RNF135: variants seen among roughly 807,000 people sequenced by gnomAD.
RNF135 encodes the protein ring finger protein 135, also known as E3 ubiquitin-protein ligase RNF135.
A neutral mutation model predicts 41.9 loss-of-function variants in RNF135; 46 were observed. The observed-to-expected ratio is 1.10, with a 90% CI of 0.87 to 1.40. The LOEUF (loss-of-function observed/expected upper bound fraction) is 1.40, where lower values mean the gene tolerates loss of function less well. RNF135 is among the 40% of genes most tolerant of loss of function. The pLI, the probability that RNF135 is intolerant of heterozygous loss-of-function variation, is 0.00. For missense variants in RNF135, 539 were observed against 549.8 expected (o/e 0.98, Z 0.20); for synonymous variants, 238 against 223.8 (o/e 1.06, Z -0.57).
At chr17:30,982,469 A>G (rs914776046) in intron 1 of RNF135, among the ~76,000 whole-genome samples, 1 of 152,176 alleles carries the variant, frequency 6.6e-6, no homozygotes, top group Non-Finnish European at 1.5e-5. Context: ...TTCTCTGTGC[A>G]TGTGGCCCCT....
At chr17:30,967,431 G>T (rs1250375329), upstream of RNF135, among the ~76,000 whole-genome samples, 2 of 152,030 alleles carry the variant, frequency 1.3e-5, no homozygotes, top group Admixed American at 6.6e-5. Flanking sequence ...TTATATAAAA[G>T]TTATAAATTG....
the RNF135 span, among the ~76,000 whole-genome samples, chr17:30,963,251 G>A: frequency 6.6e-6 from 1 of 151,772 alleles, no homozygotes; most frequent in African/African-American, 2.4e-5. Context: ...TGGAACTACA[G>A]GCATGTGACA....
intron 2 of RNF135, 76 bp downstream of exon 2, chr17:30,984,836 C>T: frequency 6.9e-7 from 1 of 1,446,862 alleles, no homozygotes; most frequent in Non-Finnish European, 9.7e-7. Context: ...ACAACATGAA[C>T]ATATTTGAAC....
chr17:30,994,643 T>TA (rs1301631742), intron 3 of RNF135, among the ~76,000 whole-genome samples: 4 of 151,974 alleles, frequency 2.6e-5, no homozygotes, highest in African/African-American at 9.7e-5. Flanking sequence ...TATTTTATTT[T>TA]TTTTTTTGAG....
the RNF135 span, among the ~76,000 whole-genome samples, chr17:30,964,058 G>A: frequency 9.2e-5 from 14 of 152,204 alleles, no homozygotes; most frequent in South Asian, 2.1e-4. Flanking sequence ...GATCTCTTCC[G>A]TCCCTTGACA....
rs574409168 is a variant in RNF135 at position 30,984,836 on chromosome 17, C to A, written c.516+76C>A. ...TTGCTTTCAACTGGAACAACATGAA[C>A]ATATTTGAACCTGAAGGATACAATA... On this transcript the variant is annotated intron_variant, in intron 2 of 4. Transcript: ENST00000328381. The A allele has an allele frequency of 3.5e-6, 5 of 1,446,864 alleles. No individual in the cohort carries two copies. In the African/African-American group the frequency reaches 5.6e-5, roughly 16 times the overall value. The allele number at this position is 1,446,864 out of a possible 1,614,324, so 89.6% of individuals were successfully genotyped here. A position where few individuals can be genotyped will look rare whatever the true frequency, so the allele number is the denominator to read the frequency against.
At chr17:30,995,387 CAAAA>C (rs796205868) in intron 3 of RNF135, among the ~76,000 whole-genome samples, 2 of 130,986 alleles carry the variant, frequency 1.5e-5, no homozygotes, top group African/African-American at 5.6e-5. Context: ...GACTCAGTCT[CAAAA>C]AAAAAAAAAG....
chr17:30,971,003 G>A (rs965061696), upstream of RNF135: 14 of 1,527,832 alleles, frequency 9.2e-6, no homozygotes, highest in Admixed American at 5.9e-5. Flanking sequence ...GGAAGAGGAA[G>A]GGCGAGGGAG....
intron 4 of RNF135, among the ~76,000 whole-genome samples, chr17:30,997,858 G>A (rs1356746415): frequency 6.6e-6 from 1 of 152,190 alleles, no homozygotes; most frequent in African/African-American, 2.4e-5. Flanking sequence ...TTGCCATGAG[G>A]GTTAAGTGAG....
chr17:30,966,962 G>A (rs73267752), upstream of RNF135, among the ~76,000 whole-genome samples: 4,287 of 151,924 alleles, frequency 0.028, 206 homozygotes, highest in African/African-American at 0.097. Flanking sequence ...AAGATTTCTC[G>A]GCACACATAA....
chr17:30,979,775 C>A (rs1906883431), intron 1 of RNF135, among the ~76,000 whole-genome samples: 8 of 130,340 alleles, frequency 6.1e-5, no homozygotes, highest in Admixed American at 4.3e-4. Context: ...CCCCCCTCCC[C>A]CCTCCCGGAC....
upstream of RNF135, chr17:30,970,837 T>C: frequency 1.7e-6 from 1 of 590,610 alleles, no homozygotes; most frequent in Non-Finnish European, 2.9e-6. Context: ...GGCATGTTGG[T>C]TTCCCAGGGC....
rs375139965 is a variant in RNF135 at position 30,983,766 on chromosome 17, GT to G, written c.373-838del. ...CACACCATCAACATTTGTTATTTTG[GT>G]TTTTTTTTTTTTGATAGTAGCCAAC... is the stretch of plus-strand genomic sequence containing the variant. On this transcript the variant is annotated intron_variant, in intron 1 of 4. Transcript: ENST00000328381. 3.2e-3 allele frequency among the ~76,000 whole-genome samples: 452 copies of G among 142,296 alleles called. 1 individual carries two copies. Among genetic ancestry groups the G allele is most frequent in the African/African-American group, 8.0e-3 (312 of 39,138 alleles). 93.4% of individuals were successfully genotyped at this position (142,296 alleles called of 152,430 possible).
At chr17:30,970,925 G>A, upstream of RNF135, 2 of 1,120,872 alleles carry the variant, frequency 1.8e-6, no homozygotes, top group African/African-American at 1.6e-5. Flanking sequence ...AGCAGGATCG[G>A]AGGAAGGAGA....
At chr17:30,979,709 G>A (rs1285629282) in intron 1 of RNF135, among the ~76,000 whole-genome samples, 3 of 130,900 alleles carry the variant, frequency 2.3e-5, no homozygotes, top group South Asian at 2.5e-4. Flanking sequence ...CCGGGCGGGG[G>A]GCTGACCCCC....
chr17:30,971,460 C>G lies in RNF135; in HGVS notation c.372+15C>G, dbSNP rs1011303199. 1 of 1,488,224 alleles carries G rather than the reference C, an allele frequency of 6.7e-7. No homozygotes were observed. Among genetic ancestry groups the G allele is most frequent in the Non-Finnish European group, 8.9e-7 (1 of 1,128,562 alleles). 92.2% of individuals were successfully genotyped at this position (1,488,224 alleles called of 1,614,324 possible). ...AACTGCAGCGGGTAGGGAGGCCGGGCCCGCAGCTCCCCTGGCTCCCCCGGG... is the reference window on the plus strand; with the variant it reads ...AACTGCAGCGGGTAGGGAGGCCGGGGCCGCAGCTCCCCTGGCTCCCCCGGG... On this transcript the variant is annotated intron_variant, in intron 1 of 4. Coordinates refer to ENST00000328381, the MANE Select transcript of RNF135 (RefSeq NM_032322.4).
chr17:30,979,664 AT>A (rs1335078270), intron 1 of RNF135, among the ~76,000 whole-genome samples: 25 of 102,618 alleles, frequency 2.4e-4, no homozygotes, highest in African/African-American at 7.8e-4. Context: ...CGGGGGGCTG[AT>A]CCCCCCCACC....
chr17:30,981,036 C>G (rs959899150), intron 1 of RNF135, among the ~76,000 whole-genome samples: 1 of 145,806 alleles, frequency 6.9e-6, no homozygotes, highest in Non-Finnish European at 1.5e-5. Flanking sequence ...TGTAGCGAGC[C>G]GAGATCACGC....
intron 3 of RNF135, among the ~76,000 whole-genome samples, chr17:30,996,847 C>T (rs1298297826): frequency 6.6e-6 from 1 of 152,194 alleles, no homozygotes; most frequent in East Asian, 1.9e-4. Context: ...CAGTTTAAAA[C>T]ATTGACTTGG....
Sources: gnomAD v4.1 joint callset for allele counts (sites outside exome capture counted in the v4.1 genomes callset) on GRCh38, gnomAD v4.1.1 for gene constraint, MANE v1.5 for transcripts, NCBI Gene and HGNC (gene_info 2026-07-23, HGNC 2026-07-21) for gene names.